L3MBTL4: variants seen among roughly 807,000 people sequenced by gnomAD.
L3MBTL4 encodes L3MBTL histone methyl-lysine binding protein 4, also known as lethal(3)malignant brain tumor-like protein 4.
A neutral mutation model predicts 84.5 loss-of-function variants in L3MBTL4; 70 were observed. That is an observed-to-expected ratio of 0.83 (90% CI 0.68 to 1.01). L3MBTL4 has a LOEUF of 1.01. Among genes scored for constraint, L3MBTL4 ranks in the 50% least tolerant of loss-of-function variants. The pLI is 0.00. For missense variants in L3MBTL4, 715 were observed against 754.8 expected, an observed-to-expected ratio of 0.95 and a Z score of 0.62; for synonymous variants, 274 against 259.8, an observed-to-expected ratio of 1.05 and a Z score of -0.52.
chr18:6,366,793 C>T (rs1346508407), intron 1 of L3MBTL4, among the ~76,000 whole-genome samples: 2 of 152,226 alleles, frequency 1.3e-5, no homozygotes, highest in Non-Finnish European at 2.9e-5. Context: ...AAATGCCAGA[C>T]TTTCTCTCAT....
intron 12 of L3MBTL4, among the ~76,000 whole-genome samples, chr18:6,187,770 T>C (rs1277370069): frequency 2.0e-5 from 3 of 152,108 alleles, no homozygotes; most frequent in African/African-American, 7.2e-5. Flanking sequence ...AATTAACATG[T>C]TTGTTCATAC....
chr18:6,374,349 C>A, intron 1 of L3MBTL4: 1 of 154,724 alleles, frequency 6.5e-6, no homozygotes, highest in East Asian at 1.9e-4. Flanking sequence ...TAGGACCAAG[C>A]CTGGCACGCT....
intron 13 of L3MBTL4, among the ~76,000 whole-genome samples, chr18:6,157,036 C>T (rs1007496660): frequency 2.0e-5 from 3 of 152,214 alleles, no homozygotes; most frequent in Non-Finnish European, 4.4e-5. Flanking sequence ...ACATTTAAAA[C>T]AGACAATATC....
At chr18:6,398,713 A>AT (rs1368371075) in intron 1 of L3MBTL4, among the ~76,000 whole-genome samples, 1 of 112,892 alleles carries the variant, frequency 8.9e-6, no homozygotes, top group Non-Finnish European at 1.6e-5. Context: ...TTACACACAC[A>AT]TTTTTTTAAT....
At chr18:5,998,334 G>A (rs1016160537) in intron 16 of L3MBTL4, among the ~76,000 whole-genome samples, 8 of 152,226 alleles carry the variant, frequency 5.3e-5, no homozygotes, top group East Asian at 1.9e-4. Flanking sequence ...CCTGCGCTGC[G>A]TCTGCAGAGG....
At chr18:6,069,354 T>C (rs1006885314) in intron 16 of L3MBTL4, among the ~76,000 whole-genome samples, 3 of 152,076 alleles carry the variant, frequency 2.0e-5, no homozygotes, top group Non-Finnish European at 4.4e-5. Context: ...AGCCACGAGG[T>C]GGCATTTGCA....
At chr18:6,110,403 G>A (rs1422254059) in intron 14 of L3MBTL4, among the ~76,000 whole-genome samples, 1 of 151,976 alleles carries the variant, frequency 6.6e-6, no homozygotes, top group African/African-American at 2.4e-5. Flanking sequence ...GGCTGCATGT[G>A]TGTGTGCATG....
At chr18:6,243,564 T>C (rs370857064) in intron 6 of L3MBTL4, 135 bp from the exon 7 acceptor site, 19 of 627,210 alleles carry the variant, frequency 3.0e-5, no homozygotes, top group East Asian at 6.5e-5. Context: ...AATGTTTCCA[T>C]TAAAGAAGAA....
At chr18:6,332,091 C>G (rs2052067658) in intron 1 of L3MBTL4, among the ~76,000 whole-genome samples, 1 of 152,188 alleles carries the variant, frequency 6.6e-6, no homozygotes, top group Admixed American at 6.5e-5. Context: ...GGGAAAGGCT[C>G]TTCTCACCTT....
intron 16 of L3MBTL4, among the ~76,000 whole-genome samples, chr18:5,989,708 G>C (rs1301633751): frequency 6.6e-6 from 1 of 152,156 alleles, no homozygotes; most frequent in African/African-American, 2.4e-5. Context: ...CTGAGATTCC[G>C]CAGTTATTAT....
chr18:6,298,437 T>C (rs2050194573), intron 4 of L3MBTL4, among the ~76,000 whole-genome samples: 1 of 152,238 alleles, frequency 6.6e-6, no homozygotes, highest in African/African-American at 2.4e-5. Flanking sequence ...TTAGCTATAG[T>C]TGCGGATAAT....
At chr18:6,157,172 A>G (rs899133015) in intron 13 of L3MBTL4, among the ~76,000 whole-genome samples, 1 of 152,230 alleles carries the variant, frequency 6.6e-6, no homozygotes, top group Non-Finnish European at 1.5e-5. Context: ...GTAATTGTCT[A>G]TTAAGTCAAT....
chr18:6,313,825 AG>A (rs982571220), intron 1 of L3MBTL4, among the ~76,000 whole-genome samples: 2 of 152,206 alleles, frequency 1.3e-5, no homozygotes, highest in African/African-American at 4.8e-5. Flanking sequence ...ATTTTATATC[AG>A]GAAAAAAAAA....
rs377370957 is a variant in L3MBTL4 at position 6,213,098 on chromosome 18, G to C, written c.981+51C>G. The C allele has an allele frequency of 5.8e-6, 6 of 1,036,220 alleles. No homozygotes were observed. In the East Asian group the frequency reaches 1.7e-4, roughly 29 times the overall value. 64.2% of individuals were successfully genotyped at this position (1,036,220 alleles called of 1,614,324 possible). ...GAATGGGAGGGTAGAGGAAACAAAA[G>C]TAATGTAGGAAAAATATTGATATAA... On this transcript the variant is annotated intron_variant, in intron 12 of 18. Coordinates refer to ENST00000317931, the MANE Select transcript of L3MBTL4 (RefSeq NM_001330559.2).
chr18:6,122,995 G>C (rs776221909), intron 14 of L3MBTL4, among the ~76,000 whole-genome samples: 1 of 152,050 alleles, frequency 6.6e-6, no homozygotes, highest in Non-Finnish European at 1.5e-5. Context: ...GTAATTCCAG[G>C]AAATCACAGC....
At chr18:6,111,093 G>T (rs1450747413) in intron 14 of L3MBTL4, among the ~76,000 whole-genome samples, 4 of 152,074 alleles carry the variant, frequency 2.6e-5, no homozygotes, top group Non-Finnish European at 5.9e-5. Flanking sequence ...AACCTAAGAA[G>T]AGAAGCAAGC....
At chr18:6,277,686 T>C (rs2049147882) in intron 4 of L3MBTL4, among the ~76,000 whole-genome samples, 2 of 152,190 alleles carry the variant, frequency 1.3e-5, no homozygotes, top group African/African-American at 4.8e-5. Flanking sequence ...TTCAGTTTTC[T>C]TCATATAAGG....
At chr18:6,125,935 C>G (rs548735616) in intron 14 of L3MBTL4, among the ~76,000 whole-genome samples, 1 of 152,140 alleles carries the variant, frequency 6.6e-6, no homozygotes, top group Non-Finnish European at 1.5e-5. Context: ...AACATAGAAT[C>G]CAGACCAAAG....
intron 18 of L3MBTL4, among the ~76,000 whole-genome samples, chr18:5,958,207 T>C (rs987180107): frequency 4.6e-5 from 7 of 151,970 alleles, no homozygotes; most frequent in Non-Finnish European, 1.5e-5. Context: ...AAAAATCCTG[T>C]AGTGTCAATG....
Sources: gnomAD v4.1 joint callset for allele counts (sites outside exome capture counted in the v4.1 genomes callset) on GRCh38, gnomAD v4.1.1 for gene constraint, MANE v1.5 for transcripts, NCBI Gene and HGNC (gene_info 2026-07-23, HGNC 2026-07-21) for gene names.